The following PCMT1 variants were observed in gnomAD, a reference collection of about 807,000 sequenced individuals.
PCMT1 encodes the protein protein-L-isoaspartate (D-aspartate) O-methyltransferase, also known as protein-L-isoaspartate(D-aspartate) O-methyltransferase.
In PCMT1, 9 loss-of-function variants were observed where a neutral mutation model predicts 29.2. The observed-to-expected ratio is 0.31, with a 90% CI of 0.19 to 0.54. The LOEUF is 0.54. Among genes scored for constraint, PCMT1 ranks in the 20% least tolerant of loss-of-function variants. PCMT1 has a pLI of 0.95. For synonymous variants in PCMT1, 98 were observed against 97.5 expected (o/e 1.00, Z -0.03); for missense variants, 184 against 282.2 (o/e 0.65, Z 2.49).
At chr6:149,775,828 C>T (rs552276803) in intron 3 of PCMT1, among the ~76,000 whole-genome samples, 22 of 152,108 alleles carry the variant, frequency 1.4e-4, no homozygotes, top group African/African-American at 4.6e-4. Context: ...AGTGAAAGAC[C>T]GGTAAGCCCA....
chr6:149,768,836 G>A (rs989350546), intron 1 of PCMT1, among the ~76,000 whole-genome samples: 3 of 151,612 alleles, frequency 2.0e-5, no homozygotes, highest in Non-Finnish European at 2.9e-5. Context: ...CATGTTGGCC[G>A]TATTGGTCTT....
At chr6:149,800,360 T>C (rs535613189) in intron 6 of PCMT1, among the ~76,000 whole-genome samples, 16 of 152,042 alleles carry the variant, frequency 1.1e-4, no homozygotes, top group African/African-American at 3.1e-4. Context: ...TCCCAGCTAC[T>C]TGGGAGGCTG....
chr6:149,805,580 C>A (rs762800747), intron 7 of PCMT1, among the ~76,000 whole-genome samples: 1 of 151,334 alleles, frequency 6.6e-6, no homozygotes, highest in Non-Finnish European at 1.5e-5. Context: ...GGCAACAGAG[C>A]GAGACTCCGT....
intron 1 of PCMT1, chr6:149,750,285 T>A (rs1014201611): frequency 2.9e-5 from 10 of 342,568 alleles, no homozygotes; most frequent in African/African-American, 2.1e-4. Flanking sequence ...CGGGTCCGGC[T>A]TGTGAGGGGC....
chr6:149,758,876 A>G (rs1016570935), intron 1 of PCMT1, among the ~76,000 whole-genome samples: 1 of 150,736 alleles, frequency 6.6e-6, no homozygotes, highest in Non-Finnish European at 1.5e-5. Flanking sequence ...TATATTGTGA[A>G]TTTTTTTTTT....
At chr6:149,779,032 A>G (rs1787697115) in intron 3 of PCMT1, among the ~76,000 whole-genome samples, 3 of 152,116 alleles carry the variant, frequency 2.0e-5, no homozygotes, top group Admixed American at 6.6e-5. Flanking sequence ...AGAACGTAAT[A>G]TAGCCCCACC....
intron 1 of PCMT1, among the ~76,000 whole-genome samples, chr6:149,751,609 G>T (rs1284318993): frequency 1.3e-5 from 2 of 151,320 alleles, no homozygotes; most frequent in Non-Finnish European, 2.9e-5. Context: ...AGCCTCCTGA[G>T]TGGCTGGGAC....
At chr6:149,783,594 G>C (rs1787902891) in intron 3 of PCMT1, among the ~76,000 whole-genome samples, 1 of 152,036 alleles carries the variant, frequency 6.6e-6, no homozygotes, top group South Asian at 2.1e-4. Context: ...AGCAAGACTT[G>C]CGTGTGTTCT....
At chr6:149,783,699 T>C (rs1787907068) in intron 3 of PCMT1, among the ~76,000 whole-genome samples, 1 of 152,092 alleles carries the variant, frequency 6.6e-6, no homozygotes, top group African/African-American at 2.4e-5. Flanking sequence ...GGACTCTTTT[T>C]TTTTCTCCCC....
intron 3 of PCMT1, among the ~76,000 whole-genome samples, chr6:149,778,992 G>A (rs1187154696): frequency 1.3e-5 from 2 of 152,146 alleles, no homozygotes; most frequent in Non-Finnish European, 2.9e-5. Flanking sequence ...AAGTATAATG[G>A]TAGAAAAATT....
At chr6:149,773,944 A>T (rs1366544583) in intron 3 of PCMT1, among the ~76,000 whole-genome samples, 2 of 152,184 alleles carry the variant, frequency 1.3e-5, no homozygotes, top group Non-Finnish European at 2.9e-5. Flanking sequence ...ACTTTGAGTG[A>T]TCTAGCAGTT....
intron 3 of PCMT1, among the ~76,000 whole-genome samples, chr6:149,787,411 G>A (rs1490221930): frequency 6.6e-6 from 1 of 150,686 alleles, no homozygotes; most frequent in African/African-American, 2.5e-5. Context: ...CTGTCACCCA[G>A]GCTGGAGTGC....
chr6:149,790,706 G>C (rs1788330368), intron 4 of PCMT1, among the ~76,000 whole-genome samples: 1 of 151,940 alleles, frequency 6.6e-6, no homozygotes, highest in African/African-American at 2.4e-5. Flanking sequence ...AAGGCTGGAG[G>C]CTCCTTAAAA....
intron 1 of PCMT1, among the ~76,000 whole-genome samples, chr6:149,756,517 T>A (rs992549822): frequency 0.043 from 2,683 of 62,102 alleles, 523 homozygotes; most frequent in East Asian, 0.13. Context: ...ACTGGCTTTT[T>A]TTTTTTTTTT....
rs71830267 is a variant in PCMT1 at position 149,762,518 on chromosome 6, GATATAT to G, written c.56-8639_56-8634del. Among the ~76,000 whole-genome samples the G allele has an allele frequency of 5.4e-3, 139 of 25,744 alleles. 2 individuals carry two copies. In the East Asian group the frequency reaches 0.064, roughly 12 times the overall value. 16.9% of individuals were successfully genotyped at this position (25,744 alleles called of 152,430 possible). ...ATCTATGATATATATATATATCTAT[GATATAT>G]ATATCTATGATATATATATCTATGA... On this transcript the variant is annotated intron_variant, in intron 1 of 7. Coordinates refer to ENST00000464889, the MANE Select transcript of PCMT1 (RefSeq NM_001360452.2).
intron 3 of PCMT1, among the ~76,000 whole-genome samples, chr6:149,786,470 T>C (rs1385246375): frequency 1.5e-5 from 2 of 130,320 alleles, no homozygotes; most frequent in African/African-American, 3.1e-5. Context: ...CGCTCCTCAC[T>C]TCCCAGACGG....
chr6:149,781,129 G>A lies in PCMT1; in HGVS notation c.192+7960G>A, dbSNP rs567246294. ...TGATGTTGAGCGTCTTTTCATGTGC[G>A]TTTTGGCCATTTCTGTATCTTCTTT... On this transcript the variant is annotated intron_variant, in intron 3 of 7. Coordinates refer to ENST00000464889, the MANE Select transcript of PCMT1 (RefSeq NM_001360452.2). 5.5e-5 allele frequency among the ~76,000 whole-genome samples: 8 copies of A among 146,532 alleles called. No individual in the cohort carries two copies. The East Asian group carries it at 1.4e-3, about 25-fold the overall frequency.
chr6:149,784,065 A>G (rs1214255673), intron 3 of PCMT1, among the ~76,000 whole-genome samples: 1 of 152,176 alleles, frequency 6.6e-6, no homozygotes, highest in Non-Finnish European at 1.5e-5. Context: ...TAATTGGGGG[A>G]ACATTCTAGA....
chr6:149,776,385 G>T (rs1787568860), intron 3 of PCMT1, among the ~76,000 whole-genome samples: 1 of 152,020 alleles, frequency 6.6e-6, no homozygotes. Context: ...CCTCGTAGCT[G>T]GGATTACAGG....
Sources: allele counts gnomAD v4.1 joint callset (sites outside exome capture counted in the v4.1 genomes callset), GRCh38; gene constraint gnomAD v4.1.1; transcripts MANE v1.5; gene names NCBI Gene and HGNC (gene_info 2026-07-23, HGNC 2026-07-21).